The following MBD2 variants were observed in gnomAD, a reference collection of about 807,000 sequenced individuals.
MBD2 encodes methyl-CpG-binding domain protein 2.
In MBD2, 9 loss-of-function variants were observed where a neutral mutation model predicts 39.3. That is an observed-to-expected ratio of 0.23 (90% confidence interval 0.14 to 0.40). The LOEUF (loss-of-function observed/expected upper bound fraction) is 0.40, where lower values mean the gene tolerates loss of function less well. MBD2 is among the 10% of genes least tolerant of loss of function. The pLI is 1.00. For missense variants in MBD2, 458 were observed against 532.6 expected (o/e 0.86, Z 1.38); for synonymous variants, 233 against 211.1 (o/e 1.10, Z -0.90).
chr18:54,214,069 A>G (rs1205184130), intron 1 of MBD2, among the ~76,000 whole-genome samples: 1 of 151,040 alleles, frequency 6.6e-6, no homozygotes, highest in Non-Finnish European at 1.5e-5. Flanking sequence ...TGGGACTATA[A>G]TAATGACTGT....
At chr18:54,217,115 A>G (rs1824471718) in intron 1 of MBD2, among the ~76,000 whole-genome samples, 1 of 152,150 alleles carries the variant, frequency 6.6e-6, no homozygotes, top group Non-Finnish European at 1.5e-5. Flanking sequence ...AAAATAAAAA[A>G]TTAAAGGGGA....
chr18:54,208,356 G>A (rs528996701), intron 1 of MBD2, among the ~76,000 whole-genome samples: 12 of 152,204 alleles, frequency 7.9e-5, no homozygotes, highest in African/African-American at 2.4e-4. Context: ...GCCAGGCGTT[G>A]TGACGCATGC....
intron 1 of MBD2, among the ~76,000 whole-genome samples, chr18:54,214,195 T>C (rs1368422133): frequency 1.3e-5 from 2 of 151,332 alleles, no homozygotes; most frequent in Non-Finnish European, 2.9e-5. Context: ...TTTCTTTCTT[T>C]GTTTTGTTTT....
chr18:54,214,517 A>T (rs941540954), intron 1 of MBD2, among the ~76,000 whole-genome samples: 7 of 151,808 alleles, frequency 4.6e-5, no homozygotes, highest in African/African-American at 1.5e-4. Flanking sequence ...ATATTTTTTT[A>T]AAACTCTGAG....
At chr18:54,168,723 G>A (rs1362582326) in intron 3 of MBD2, among the ~76,000 whole-genome samples, 1 of 149,044 alleles carries the variant, frequency 6.7e-6, no homozygotes, top group Non-Finnish European at 1.5e-5. Context: ...GAGAAGGAAA[G>A]GAAGCTAGTT....
chr18:54,187,951 G>A (rs1402754588), intron 3 of MBD2: 1 of 621,038 alleles, frequency 1.6e-6, no homozygotes, highest in African/African-American at 2.0e-5. Context: ...CTGGAGATGA[G>A]ACACTTGAAG....
In MBD2 at chr18:54,188,189, C is replaced by T. The variant is rs951480096; in HGVS notation, c.840+685G>A. Among the ~76,000 whole-genome samples, 8 of 152,190 alleles carry T rather than the reference C, an allele frequency of 5.3e-5. No individual in the cohort carries two copies. The South Asian group carries it at 1.5e-3, about 28-fold the overall frequency. ...TTCATGAACTACCTAGGCTTTTTGA[C>T]CACAATTAGGGAGTGAATAAGTAAG... On this transcript the variant is annotated intron_variant, in intron 3 of 6. Transcript: ENST00000256429.
chr18:54,155,511 A>T (rs1274505129), intron 6 of MBD2, among the ~76,000 whole-genome samples, 200 bp from the exon 7 acceptor site: 1 of 152,232 alleles, frequency 6.6e-6, no homozygotes, highest in Non-Finnish European at 1.5e-5. Flanking sequence ...TTTTATTTTG[A>T]TGATAACCTT....
Position 54,152,738 on chromosome 18 carries a change from A to G in MBD2, c.*2586T>C, listed in dbSNP as rs1436773773. On this transcript the variant is annotated 3_prime_UTR_variant, in exon 7 of 7. Transcript: ENST00000256429. ...GGGATAGCGACAATAGTGTGCTCCA[A>G]TGTGAGCACCCACTATGTGCCAGGC... 1 of 152,192 alleles carries G rather than the reference A, an allele frequency of 6.6e-6. No homozygotes were observed. The highest frequency in any genetic ancestry group is 1.5e-5 in the Non-Finnish European group (1 of 68,050). The allele number at this position is 152,192 out of a possible 1,614,324, so 9.4% of individuals were successfully genotyped here.
At chr18:54,196,461 C>G (rs2086367718) in intron 2 of MBD2, among the ~76,000 whole-genome samples, 1 of 152,214 alleles carries the variant, frequency 6.6e-6, no homozygotes, top group South Asian at 2.1e-4. Flanking sequence ...TATCCTAGAA[C>G]AGTCCTACTC....
intron 6 of MBD2, among the ~76,000 whole-genome samples, chr18:54,157,287 G>A (rs769692199): frequency 8.6e-5 from 13 of 150,608 alleles, no homozygotes; most frequent in Non-Finnish European, 1.3e-4. Flanking sequence ...TTGAGACAGA[G>A]TCTCACTCTA....
intron 2 of MBD2, among the ~76,000 whole-genome samples, chr18:54,202,404 C>G (rs1273585934): frequency 6.6e-6 from 1 of 152,194 alleles, no homozygotes; most frequent in African/African-American, 2.4e-5. Context: ...CCTCAGATTT[C>G]TATTAATTAC....
At chr18:54,176,342 A>G (rs908076210) in intron 3 of MBD2, among the ~76,000 whole-genome samples, 1 of 152,286 alleles carries the variant, frequency 6.6e-6, no homozygotes, top group Non-Finnish European at 1.5e-5. Context: ...TCAGGTTATC[A>G]AAACACTAAT....
At chr18:54,204,267 A>C (rs1348039948) in intron 2 of MBD2, among the ~76,000 whole-genome samples, 2 of 152,232 alleles carry the variant, frequency 1.3e-5, no homozygotes, top group Non-Finnish European at 2.9e-5. Flanking sequence ...ACTAAGAAAA[A>C]ATAGTCACAT....
intron 1 of MBD2, among the ~76,000 whole-genome samples, chr18:54,212,447 C>G (rs147250552): frequency 6.6e-6 from 1 of 152,260 alleles, no homozygotes; most frequent in East Asian, 1.9e-4. Context: ...GTTACATCTT[C>G]TCAAATAGCA....
At chr18:54,215,067 T>C (rs1599110834) in intron 1 of MBD2, among the ~76,000 whole-genome samples, 1 of 152,058 alleles carries the variant, frequency 6.6e-6, no homozygotes, top group Admixed American at 6.5e-5. Flanking sequence ...TTACACTAGA[T>C]TTATAGTTGA....
At chr18:54,216,218 T>G (rs2086559831) in intron 1 of MBD2, among the ~76,000 whole-genome samples, 1 of 152,124 alleles carries the variant, frequency 6.6e-6, no homozygotes, top group Non-Finnish European at 1.5e-5. Flanking sequence ...TATATATACA[T>G]CAACACTACA....
At chr18:54,179,777 C>T (rs1025112866) in intron 3 of MBD2, among the ~76,000 whole-genome samples, 6 of 152,116 alleles carry the variant, frequency 3.9e-5, no homozygotes, top group Non-Finnish European at 5.9e-5. Context: ...GCAAGTATCA[C>T]ATTTAATGGA....
chr18:54,190,044 C>G (rs928723611), intron 2 of MBD2, among the ~76,000 whole-genome samples: 15 of 152,088 alleles, frequency 9.9e-5, no homozygotes, highest in African/African-American at 3.4e-4. Context: ...TATAAACAAC[C>G]TGATCAGCAA....
Sources: gnomAD v4.1 joint callset for allele counts (sites outside exome capture counted in the v4.1 genomes callset) on GRCh38, gnomAD v4.1.1 for gene constraint, MANE v1.5 for transcripts, NCBI Gene and HGNC (gene_info 2026-07-23, HGNC 2026-07-21) for gene names.